PRKN: variants seen among roughly 807,000 people sequenced by gnomAD.
The protein encoded by PRKN is parkin RBR E3 ubiquitin protein ligase.
In PRKN, 56 loss-of-function variants were observed where a neutral mutation model predicts 59.5. The observed-to-expected ratio is 0.94, with a 90% confidence interval of 0.76 to 1.18. The LOEUF (loss-of-function observed/expected upper bound fraction) is 1.18. Among genes scored for constraint, PRKN ranks in the 50% most tolerant of loss-of-function variants. The probability of loss-of-function intolerance (pLI) is 0.00; values close to 1 mark genes in which losing one functional copy is unlikely to be tolerated. For synonymous variants in PRKN, 250 were observed against 222.1 expected, an observed-to-expected ratio of 1.13 and a Z score of -1.12; for missense variants, 657 against 596.4, an observed-to-expected ratio of 1.10 and a Z score of -1.06.
chr6:161,871,678 T>C (rs2128226736), intron 6 of PRKN, among the ~76,000 whole-genome samples: 2 of 152,300 alleles, frequency 1.3e-5, no homozygotes, highest in Middle Eastern at 3.4e-3. Flanking sequence ...ACATAAGTTG[T>C]ACATGTGAAG....
At chr6:162,466,097 G>T (rs1791401682) in intron 1 of PRKN, among the ~76,000 whole-genome samples, 1 of 152,102 alleles carries the variant, frequency 6.6e-6, no homozygotes, top group African/African-American at 2.4e-5. Context: ...AGTTAATAAA[G>T]AAACATGCCC....
intron 1 of PRKN, among the ~76,000 whole-genome samples, chr6:162,583,628 T>C (rs1287932916): frequency 6.6e-6 from 1 of 152,146 alleles, no homozygotes; most frequent in East Asian, 1.9e-4. Context: ...ACTCAGCATC[T>C]CTCTGTTTAT....
Position 161,374,933 on chromosome 6 carries a change from G to A in PRKN, c.1167+11861C>T, listed in dbSNP as rs534589849. On this transcript the variant is annotated intron_variant, in intron 10 of 11. Coordinates refer to ENST00000366898, the MANE Select transcript of PRKN (RefSeq NM_004562.3). Reference sequence around the variant, plus strand: ...TCTGCTGGGATCCTGAAACCCCTCTGGAATCCAAAAGCCTTCAGGACAGCA... The same window carrying A: ...TCTGCTGGGATCCTGAAACCCCTCTAGAATCCAAAAGCCTTCAGGACAGCA... 1.1e-3 allele frequency among the ~76,000 whole-genome samples: 162 copies of A among 152,226 alleles called. 1 individual carries two copies. The highest frequency in any genetic ancestry group is 2.2e-3 in the Admixed American group (33 of 15,296).
intron 4 of PRKN, among the ~76,000 whole-genome samples, chr6:162,182,285 C>G (rs1783832334): frequency 6.6e-6 from 1 of 152,096 alleles, no homozygotes; most frequent in Admixed American, 6.6e-5. Flanking sequence ...ATTCAATCTG[C>G]GTTTACATTT....
intron 1 of PRKN, among the ~76,000 whole-genome samples, chr6:162,594,066 C>A (rs1781405034): frequency 6.6e-6 from 1 of 152,060 alleles, no homozygotes; most frequent in African/African-American, 2.4e-5. Flanking sequence ...AGGAGAATCA[C>A]TTGAACCTAG....
chr6:162,309,042 G>A (rs1019102152), intron 2 of PRKN, among the ~76,000 whole-genome samples: 2 of 152,146 alleles, frequency 1.3e-5, no homozygotes, highest in Non-Finnish European at 2.9e-5. Flanking sequence ...TACATTATGT[G>A]TCTCAGAGAC....
chr6:162,294,391 A>T (rs1355282602), intron 2 of PRKN, among the ~76,000 whole-genome samples: 1 of 152,170 alleles, frequency 6.6e-6, no homozygotes, highest in Non-Finnish European at 1.5e-5. Flanking sequence ...ACTCTAATTA[A>T]ACCTCTTCCT....
intron 2 of PRKN, among the ~76,000 whole-genome samples, chr6:162,434,177 T>C (rs1005137514): frequency 6.6e-6 from 1 of 152,212 alleles, no homozygotes; most frequent in African/African-American, 2.4e-5. Context: ...TGTATGCTTC[T>C]CTGTGTGAAG....
chr6:162,405,232 G>C (rs1274419277), intron 2 of PRKN, among the ~76,000 whole-genome samples: 1 of 152,100 alleles, frequency 6.6e-6, no homozygotes, highest in Non-Finnish European at 1.5e-5. Context: ...AATCTCTAGT[G>C]AGAACATGGA....
chr6:162,298,989 A>G (rs1332915163), intron 2 of PRKN, among the ~76,000 whole-genome samples: 1 of 152,108 alleles, frequency 6.6e-6, no homozygotes, highest in Non-Finnish European at 1.5e-5. Flanking sequence ...CAGGAGCTAA[A>G]AAGAGCCTCC....
intron 1 of PRKN, among the ~76,000 whole-genome samples, chr6:162,530,114 G>C (rs547904758): frequency 6.9e-6 from 1 of 144,958 alleles, no homozygotes; most frequent in African/African-American, 2.6e-5. Flanking sequence ...TGGGCAACAA[G>C]AGCGAAACTA....
intron 6 of PRKN, among the ~76,000 whole-genome samples, chr6:161,836,002 T>C (rs755913247): frequency 6.6e-5 from 10 of 152,198 alleles, no homozygotes; most frequent in Non-Finnish European, 1.3e-4. Flanking sequence ...ACTCTCAGTA[T>C]ATTCAATGGC....
intron 7 of PRKN, among the ~76,000 whole-genome samples, chr6:161,767,492 G>A (rs978738756): frequency 3.4e-5 from 5 of 148,736 alleles, no homozygotes; most frequent in African/African-American, 1.2e-4. Context: ...ACTCCCGCCT[G>A]GGCGACAGAG....
At chr6:162,367,471 T>C (rs1785507863) in intron 2 of PRKN, among the ~76,000 whole-genome samples, 1 of 152,216 alleles carries the variant, frequency 6.6e-6, no homozygotes, top group Non-Finnish European at 1.5e-5. Context: ...TAATGGTTCC[T>C]ATTGTTCTAC....
At chr6:161,819,530 A>T (rs1227163817) in intron 6 of PRKN, among the ~76,000 whole-genome samples, 1 of 152,186 alleles carries the variant, frequency 6.6e-6, no homozygotes, top group Non-Finnish European at 1.5e-5. Context: ...TAATGAGCAT[A>T]AAAGTAACAA....
intron 7 of PRKN, among the ~76,000 whole-genome samples, chr6:161,625,852 G>A (rs1238518349): frequency 1.3e-5 from 2 of 152,114 alleles, no homozygotes; most frequent in Non-Finnish European, 2.9e-5. Context: ...CCTTCCCTTA[G>A]TCACAAAATT....
At chr6:162,272,398 T>G (rs1039544077) in intron 2 of PRKN, among the ~76,000 whole-genome samples, 1 of 152,182 alleles carries the variant, frequency 6.6e-6, no homozygotes, top group Non-Finnish European at 1.5e-5. Context: ...TTGTGATAAA[T>G]ATTATGAACA....
chr6:161,650,390 T>A (rs1784108481), intron 7 of PRKN, among the ~76,000 whole-genome samples: 1 of 152,192 alleles, frequency 6.6e-6, no homozygotes, highest in African/African-American at 2.4e-5. Flanking sequence ...CCTAAATGTC[T>A]TAGCATGGTA....
intron 1 of PRKN, among the ~76,000 whole-genome samples, chr6:162,517,557 A>G (rs1405680976): frequency 6.6e-6 from 1 of 151,974 alleles, no homozygotes; most frequent in African/African-American, 2.4e-5. Context: ...CGCCCGGCCA[A>G]TATATTTTTT....
Sources: gnomAD v4.1 joint callset for allele counts (sites outside exome capture counted in the v4.1 genomes callset) on GRCh38, gnomAD v4.1.1 for gene constraint, MANE v1.5 for transcripts, NCBI Gene and HGNC (gene_info 2026-07-23, HGNC 2026-07-21) for gene names.